CYP2C18: variants seen among roughly 807,000 people sequenced by gnomAD.
CYP2C18 encodes cytochrome P450 2C18.
Under a neutral mutation model 41.3 loss-of-function variants are expected in CYP2C18, and 38 were observed. The observed-to-expected ratio is 0.92, with a 90% confidence interval of 0.71 to 1.21. The LOEUF (loss-of-function observed/expected upper bound fraction) is 1.21. Ranked by LOEUF, CYP2C18 falls within the 50% of genes most tolerant of loss-of-function variation. The probability of loss-of-function intolerance (pLI) is 0.00; values close to 1 mark genes in which losing one functional copy is unlikely to be tolerated. For missense variants in CYP2C18, 635 were observed against 591.4 expected (o/e 1.07, Z -0.77); for synonymous variants, 236 against 210.0 (o/e 1.12, Z -1.07).
intron 4 of CYP2C18, among the ~76,000 whole-genome samples, chr10:94,701,530 A>G (rs189178210): frequency 6.6e-6 from 1 of 152,192 alleles, no homozygotes; most frequent in African/African-American, 2.4e-5. Flanking sequence ...ATGAAGAGTT[A>G]ATGGGTGCAG....
chr10:94,730,156 A>G (rs192532366), intron 7 of CYP2C18, among the ~76,000 whole-genome samples: 56 of 152,202 alleles, frequency 3.7e-4, no homozygotes, highest in African/African-American at 1.3e-3. Flanking sequence ...TATTTTAGCT[A>G]TTTTTATAAG....
At chr10:94,718,544 C>T (rs1450118653) in intron 5 of CYP2C18, among the ~76,000 whole-genome samples, 2 of 152,106 alleles carry the variant, frequency 1.3e-5, no homozygotes, top group Admixed American at 6.6e-5. Flanking sequence ...AATCCTTCAA[C>T]TTTCCACTAT....
rs140011609 is a variant in CYP2C18 at position 94,698,231 on chromosome 10, G to T, written c.642+3154G>T. Among the ~76,000 whole-genome samples the T allele has an allele frequency of 5.1e-3, 778 of 152,290 alleles. 14 individuals are homozygous for T. The highest frequency in any genetic ancestry group is 0.017 in the African/African-American group (715 of 41,560). Reference sequence around the variant, plus strand: ...TCCAAAATTGACCACATAGTTGGAAGTAAAGCACTCCTCAGCAAATGTAAG... The same window carrying T: ...TCCAAAATTGACCACATAGTTGGAATTAAAGCACTCCTCAGCAAATGTAAG... On this transcript the variant is annotated intron_variant, in intron 4 of 8. Coordinates refer to ENST00000285979, the MANE Select transcript of CYP2C18 (RefSeq NM_000772.3).
chr10:94,688,719 T>C (rs1389795454), intron 3 of CYP2C18, among the ~76,000 whole-genome samples: 1 of 152,152 alleles, frequency 6.6e-6, no homozygotes, highest in South Asian at 2.1e-4. Flanking sequence ...TTTAATCCTA[T>C]TGTGTCCCAG....
intron 1 of CYP2C18, among the ~76,000 whole-genome samples, chr10:94,684,746 C>G (rs1402986906): frequency 6.6e-6 from 1 of 151,990 alleles, no homozygotes; most frequent in African/African-American, 2.4e-5. Context: ...TCTGATAGTT[C>G]TATTTTTGTT....
At chr10:94,697,315 G>T (rs910228205) in intron 4 of CYP2C18, among the ~76,000 whole-genome samples, 9 of 152,192 alleles carry the variant, frequency 5.9e-5, no homozygotes, top group African/African-American at 1.9e-4. Context: ...AAGAGAATGG[G>T]GGCCAATATT....
At chr10:94,711,430 A>G (rs1031995008) in intron 5 of CYP2C18, among the ~76,000 whole-genome samples, 6 of 151,710 alleles carry the variant, frequency 4.0e-5, no homozygotes, top group Admixed American at 2.0e-4. Context: ...TTTTTCTCAG[A>G]CAGAGTCTTA....
At position 94,724,381 on chromosome 10, in the gene CYP2C18, A is replaced by AGAAACCGGAGCCCCTGTATGCC; in HGVS notation, c.1018_1019insCGAAACCGGAGCCCCTGTATGC (p.Gln340ProfsTer28). 3 of 1,613,552 alleles carry AGAAACCGGAGCCCCTGTATGCC rather than the reference A, an allele frequency of 1.9e-6. No individual in the cohort carries two copies. The highest frequency in any genetic ancestry group is 2.5e-6 in the Non-Finnish European group (3 of 1,179,658). ...GGAAGAGATTGAATGTGTAGTTGGC[A>AGAAACCGGAGCCCCTGTATGCC]GAAACCGGAGCCCCTGTATGCAGGA... On this transcript the variant is annotated frameshift_variant, in exon 7 of 9. Coordinates refer to ENST00000285979, the MANE Select transcript of CYP2C18 (RefSeq NM_000772.3). LOFTEE classifies it high-confidence loss of function.
At chr10:94,691,421 C>A (rs1247130513) in intron 3 of CYP2C18, among the ~76,000 whole-genome samples, 7 of 152,116 alleles carry the variant, frequency 4.6e-5, no homozygotes, top group East Asian at 1.9e-4. Flanking sequence ...CTCCCATTCA[C>A]AATTGCTTCA....
chr10:94,698,904 A>C (rs1159050084), intron 4 of CYP2C18, among the ~76,000 whole-genome samples: 1 of 152,212 alleles, frequency 6.6e-6, no homozygotes, highest in East Asian at 1.9e-4. Flanking sequence ...TCCTCGACAC[A>C]TACACCCTCC....
intron 4 of CYP2C18, among the ~76,000 whole-genome samples, chr10:94,699,349 C>G (rs2134184595): frequency 6.6e-6 from 1 of 152,268 alleles, no homozygotes; most frequent in Admixed American, 6.5e-5. Context: ...AAACGTAATC[C>G]AGCATATAAA....
intron 4 of CYP2C18, among the ~76,000 whole-genome samples, chr10:94,697,137 A>G (rs1056795824): frequency 2.0e-4 from 30 of 152,210 alleles, no homozygotes; most frequent in Admixed American, 6.5e-5. Flanking sequence ...GAATGCCACA[A>G]AGATACTCCT....
chr10:94,700,476 A>T (rs1847216045), intron 4 of CYP2C18, among the ~76,000 whole-genome samples: 1 of 152,086 alleles, frequency 6.6e-6, no homozygotes. Flanking sequence ...GAACAATTCA[A>T]GATGGATTCA....
intron 7 of CYP2C18, among the ~76,000 whole-genome samples, chr10:94,731,452 C>G (rs1170163963): frequency 6.6e-6 from 1 of 151,760 alleles, no homozygotes; most frequent in Admixed American, 6.6e-5. Flanking sequence ...CTATTCCTAT[C>G]CGACTACCAG....
chr10:94,729,384 C>A (rs1417460336), intron 7 of CYP2C18, among the ~76,000 whole-genome samples: 1 of 152,132 alleles, frequency 6.6e-6, no homozygotes, highest in South Asian at 2.1e-4. Flanking sequence ...AGTCAAAAAT[C>A]TTCTCAGGTT....
At chr10:94,721,338 C>G (rs1481402366) in intron 6 of CYP2C18, among the ~76,000 whole-genome samples, 1 of 152,170 alleles carries the variant, frequency 6.6e-6, no homozygotes, top group Non-Finnish European at 1.5e-5. Context: ...TAGATCTTCC[C>G]TTATTCTGAA....
At chr10:94,710,071 G>T (rs1288228327) in intron 5 of CYP2C18, among the ~76,000 whole-genome samples, 1 of 152,084 alleles carries the variant, frequency 6.6e-6, no homozygotes, top group East Asian at 1.9e-4. Flanking sequence ...CCGGGCTCAG[G>T]TGATTCTCCC....
At chr10:94,709,118 G>A (rs570540102) in intron 5 of CYP2C18, among the ~76,000 whole-genome samples, 1 of 152,136 alleles carries the variant, frequency 6.6e-6, no homozygotes, top group Non-Finnish European at 1.5e-5. Context: ...TACAGCAACT[G>A]TATGCTTAAT....
At chr10:94,714,910 A>T (rs1847512491) in intron 5 of CYP2C18, among the ~76,000 whole-genome samples, 1 of 151,996 alleles carries the variant, frequency 6.6e-6, no homozygotes, top group African/African-American at 2.4e-5. Context: ...TGGAAGTTGG[A>T]TTCCTGGGTA....
Sources: gnomAD v4.1 joint callset for allele counts (sites outside exome capture counted in the v4.1 genomes callset) on GRCh38, gnomAD v4.1.1 for gene constraint, MANE v1.5 for transcripts, NCBI Gene and HGNC (gene_info 2026-07-23, HGNC 2026-07-21) for gene names.